Variants in ZSCAN25 observed in about 807,000 individuals in gnomAD.
The protein encoded by ZSCAN25 is zinc finger and SCAN domain-containing protein 25.
A neutral mutation model predicts 38.7 loss-of-function variants in ZSCAN25; 27 were observed. The observed-to-expected ratio is 0.70, with a 90% CI of 0.51 to 0.96. The LOEUF (loss-of-function observed/expected upper bound fraction) is 0.96, where lower values mean the gene tolerates loss of function less well. ZSCAN25 is among the 40% of genes least tolerant of loss of function. The probability of loss-of-function intolerance (pLI) is 0.00; values close to 1 mark genes in which losing one functional copy is unlikely to be tolerated. For missense variants in ZSCAN25, 637 were observed against 705.9 expected (o/e 0.90, Z 1.11); for synonymous variants, 273 against 277.7 (o/e 0.98, Z 0.17).
At position 99,631,904 on chromosome 7, in the gene ZSCAN25, C is replaced by A. The variant is rs941128010; in HGVS notation, c.*1884C>A. On this transcript the variant is annotated 3_prime_UTR_variant, in exon 8 of 8. Transcript: ENST00000394152. ...CATGCAAAATCAGCTTTTTTTCCCC[C>A]GTAATTATCAGAGCAGCTAGGCAGG... 4.4e-5 allele frequency: 43 copies of A among 985,298 alleles called. No homozygotes were observed. Among genetic ancestry groups the A allele is most frequent in the Non-Finnish European group, 5.1e-5 (42 of 829,964 alleles). 61.0% of individuals were successfully genotyped at this position (985,298 alleles called of 1,614,324 possible).
the ZSCAN25 span, chr7:99,717,142 A>T: frequency 6.2e-7 from 1 of 1,612,854 alleles, no homozygotes; most frequent in Non-Finnish European, 8.5e-7. Context: ...GGGGCTCATG[A>T]CAGCTCAGAA....
chr7:99,622,591 A>G lies in ZSCAN25; in HGVS notation c.632A>G (p.Asn211Ser), dbSNP rs751974406. 11 of 1,614,024 alleles carry G rather than the reference A, an allele frequency of 6.8e-6. No individual in the cohort carries two copies. In the Admixed American group the frequency reaches 8.3e-5, roughly 12 times the overall value. Residue 211 changes from asparagine (N) to serine (S), a missense_variant, in exon 6 of 8, where the codon AAT becomes AGT. Coordinates refer to ENST00000394152, the MANE Select transcript of ZSCAN25 (RefSeq NM_145115.3). ...LQAGPGLPAV[N>S]PRDQEMAAGF... ...GCGGGTCCTGGCCTCCCCGCAGTGA[A>G]TCCCAGAGACCAAGAGATGGCAGCT... is the stretch of plus-strand genomic sequence containing the variant.
intron 7 of ZSCAN25, among the ~76,000 whole-genome samples, chr7:99,626,974 G>T (rs1487458201): frequency 6.6e-6 from 1 of 152,128 alleles, no homozygotes; most frequent in South Asian, 2.1e-4. Context: ...TTATACTTAG[G>T]TATCATTGTA....
the ZSCAN25 span, chr7:99,722,329 A>C: frequency 6.2e-7 from 1 of 1,613,522 alleles, no homozygotes; most frequent in Non-Finnish European, 8.5e-7. Flanking sequence ...ATAACATTCC[A>C]TGTCAAACGT....
At chr7:99,652,525 T>G in the ZSCAN25 span, 46 of 1,525,552 alleles carry the variant, frequency 3.0e-5, no homozygotes, top group Non-Finnish European at 3.9e-5. Context: ...TGGGTCAGGG[T>G]GAGCTCCATT....
At chr7:99,666,032 A>G in the ZSCAN25 span, among the ~76,000 whole-genome samples, 5 of 152,254 alleles carry the variant, frequency 3.3e-5, no homozygotes, top group Non-Finnish European at 1.5e-5. Context: ...TCGTTCCTGC[A>G]TAATTGAAGC....
the ZSCAN25 span, chr7:99,707,956 C>T: frequency 6.2e-7 from 1 of 1,613,774 alleles, no homozygotes; most frequent in South Asian, 1.1e-5. Context: ...CTATGTTGTC[C>T]TTGTTCTTTT....
At chr7:99,638,628 A>T in the ZSCAN25 span, 3 of 1,585,146 alleles carry the variant, frequency 1.9e-6, no homozygotes, top group South Asian at 3.3e-5. Context: ...CCACGTTGAA[A>T]CCCACAGTGG....
chr7:99,647,370 A>G, the ZSCAN25 span: 1 of 505,388 alleles, frequency 2.0e-6, no homozygotes, highest in Non-Finnish European at 2.6e-6. Flanking sequence ...TGGCTTTAGT[A>G]TTCAGAAAAG....
rs563250608 is a variant in ZSCAN25 at position 99,630,574 on chromosome 7, G to C, written c.*554G>C. 54 of 987,794 alleles carry C rather than the reference G, an allele frequency of 5.5e-5. No homozygotes were observed. Among genetic ancestry groups the C allele is most frequent in the Non-Finnish European group, 6.4e-5 (53 of 831,754 alleles). 61.2% of individuals were successfully genotyped at this position (987,794 alleles called of 1,614,324 possible). A position where few individuals can be genotyped will look rare whatever the true frequency, so the allele number is the denominator to read the frequency against. On this transcript the variant is annotated 3_prime_UTR_variant, in exon 8 of 8. Coordinates refer to ENST00000394152, the MANE Select transcript of ZSCAN25 (RefSeq NM_145115.3). ...CAGCCCATGACCCGAGGCATTCTCA[G>C]GGTATCTGTGCTGTGTGCCCGTGAG...
chr7:99,632,308 A>T lies in ZSCAN25; in HGVS notation c.*2288A>T. The T allele has an allele frequency of 2.1e-6, 2 of 937,196 alleles. No homozygotes were observed. The highest frequency in any genetic ancestry group is 2.5e-6 in the Non-Finnish European group (2 of 786,232). The allele number at this position is 937,196 out of a possible 1,614,324, so 58.1% of individuals were successfully genotyped here. ...AATATTTTGTTTTCTGTATTTTTCT[A>T]TTCTTTAGAAATTTTTTTATAATAG... On this transcript the variant is annotated 3_prime_UTR_variant, in exon 8 of 8. Coordinates refer to ENST00000394152, the MANE Select transcript of ZSCAN25 (RefSeq NM_145115.3).
the ZSCAN25 span, among the ~76,000 whole-genome samples, chr7:99,685,636 CTTTA>C: frequency 5.9e-5 from 9 of 152,168 alleles, no homozygotes; most frequent in Non-Finnish European, 1.2e-4. Flanking sequence ...TCACAGCCTG[CTTTA>C]TTTGTCATGA....
the ZSCAN25 span, among the ~76,000 whole-genome samples, chr7:99,656,484 A>G: frequency 6.6e-6 from 1 of 152,168 alleles, no homozygotes; most frequent in East Asian, 1.9e-4. Context: ...TCGGTTTGCC[A>G]GTATTTTATT....
chr7:99,671,908 C>T, the ZSCAN25 span: 2 of 699,898 alleles, frequency 2.9e-6, no homozygotes, highest in Non-Finnish European at 5.2e-6. Flanking sequence ...CTTAGAACTA[C>T]CCACACACAT....
chr7:99,733,143 G>T, the ZSCAN25 span, among the ~76,000 whole-genome samples: 1 of 152,214 alleles, frequency 6.6e-6, no homozygotes. Context: ...CACAACCAGG[G>T]TGGCCTTGGG....
At chr7:99,676,697 G>T in the ZSCAN25 span, 1 of 551,468 alleles carries the variant, frequency 1.8e-6, no homozygotes. Flanking sequence ...CTTACAATTT[G>T]CTCAGAAATG....
chr7:99,706,769 A>C, the ZSCAN25 span, among the ~76,000 whole-genome samples: 1 of 152,258 alleles, frequency 6.6e-6, no homozygotes, highest in Non-Finnish European at 1.5e-5. Context: ...CACATTAAAA[A>C]ACTTAATATT....
chr7:99,666,991 T>C, the ZSCAN25 span: 8 of 1,614,146 alleles, frequency 5.0e-6, no homozygotes, highest in Non-Finnish European at 5.9e-6. Flanking sequence ...GAGACAGCAA[T>C]GACCGTATTC....
intron 7 of ZSCAN25, among the ~76,000 whole-genome samples, chr7:99,626,856 T>C (rs1562968698): frequency 6.6e-6 from 1 of 152,212 alleles, no homozygotes; most frequent in Admixed American, 6.5e-5. Flanking sequence ...TTAATTGATT[T>C]TCCCATGATC....
Sources: gnomAD v4.1 joint callset for allele counts (sites outside exome capture counted in the v4.1 genomes callset) on GRCh38, gnomAD v4.1.1 for gene constraint, MANE v1.5 for transcripts, NCBI Gene and HGNC (gene_info 2026-07-23, HGNC 2026-07-21) for gene names.